Variants in CSMD1 observed in about 807,000 individuals in gnomAD.
CSMD1 encodes CUB and Sushi multiple domains 1, also known as CUB and sushi domain-containing protein 1.
In CSMD1, 213 loss-of-function variants were observed where a neutral mutation model predicts 417.5. The observed-to-expected ratio is 0.51, with a 90% CI of 0.46 to 0.57. The LOEUF (loss-of-function observed/expected upper bound fraction) is 0.57. CSMD1 is among the 20% of genes least tolerant of loss of function. The probability of loss-of-function intolerance (pLI) is 0.00; values close to 1 mark genes in which losing one functional copy is unlikely to be tolerated. For synonymous variants in CSMD1, 2,862 were observed against 1,736.8 expected, an observed-to-expected ratio of 1.65 and a Z score of -16.11; for missense variants, 6,923 against 4,529.7, an observed-to-expected ratio of 1.53 and a Z score of -15.17.
chr8:3,958,937 T>G (rs982475013), intron 5 of CSMD1, among the ~76,000 whole-genome samples: 4 of 152,180 alleles, frequency 2.6e-5, no homozygotes, highest in Admixed American at 2.0e-4. Context: ...AACTCACATT[T>G]TTTGAGCCCT....
At chr8:3,767,357 T>C (rs909027114) in intron 5 of CSMD1, among the ~76,000 whole-genome samples, 1 of 152,200 alleles carries the variant, frequency 6.6e-6, no homozygotes, top group Non-Finnish European at 1.5e-5. Flanking sequence ...AACACAACCA[T>C]GTCCTTTCCC....
At chr8:4,177,094 C>T (rs192734189) in intron 3 of CSMD1, among the ~76,000 whole-genome samples, 1,583 of 152,250 alleles carry the variant, frequency 0.01, 26 homozygotes, top group African/African-American at 0.036. Flanking sequence ...TAGACATCTA[C>T]AGAACTCTCC....
chr8:4,523,090 T>C (rs1409891615), intron 2 of CSMD1, among the ~76,000 whole-genome samples: 1 of 152,132 alleles, frequency 6.6e-6, no homozygotes, highest in Non-Finnish European at 1.5e-5. Flanking sequence ...CTCCAACCTT[T>C]TGGTGGGTGG....
chr8:4,123,672 A>C (rs1802608229), intron 3 of CSMD1, among the ~76,000 whole-genome samples: 1 of 152,212 alleles, frequency 6.6e-6, no homozygotes, highest in Non-Finnish European at 1.5e-5. Context: ...TTAAAGTGGG[A>C]AAACCTGATG....
At chr8:3,130,385 G>A (rs1293022709) in intron 41 of CSMD1, among the ~76,000 whole-genome samples, 1 of 151,932 alleles carries the variant, frequency 6.6e-6, no homozygotes, top group Non-Finnish European at 1.5e-5. Flanking sequence ...AAAGCCTCCC[G>A]CCCCCAATTC....
intron 7 of CSMD1, among the ~76,000 whole-genome samples, chr8:3,658,817 T>C (rs578216454): frequency 1.9e-4 from 29 of 152,254 alleles, no homozygotes; most frequent in African/African-American, 6.3e-4. Flanking sequence ...CTTCCAACAA[T>C]TTTGTTTGAA....
chr8:4,288,333 C>T (rs535367449), intron 3 of CSMD1, among the ~76,000 whole-genome samples: 1 of 152,236 alleles, frequency 6.6e-6, no homozygotes, highest in South Asian at 2.1e-4. Context: ...GCTCCCTTCA[C>T]CCTTCAATTT....
intron 3 of CSMD1, among the ~76,000 whole-genome samples, chr8:4,123,691 T>C (rs143242958): frequency 6.6e-6 from 1 of 152,344 alleles, no homozygotes; most frequent in African/African-American, 2.4e-5. Context: ...TGATAACTTC[T>C]ATGGTTTTAT....
At chr8:3,697,598 A>G (rs969877563) in intron 7 of CSMD1, among the ~76,000 whole-genome samples, 3 of 152,164 alleles carry the variant, frequency 2.0e-5, no homozygotes, top group Non-Finnish European at 4.4e-5. Context: ...AGAATATAGC[A>G]GTTCCCCCTT....
intron 7 of CSMD1, among the ~76,000 whole-genome samples, chr8:3,617,015 G>C (rs1482511513): frequency 6.6e-6 from 1 of 152,004 alleles, no homozygotes; most frequent in Admixed American, 6.6e-5. Flanking sequence ...ATAATCTTTG[G>C]TTTTATTTCT....
In CSMD1 at chr8:4,169,652, G is replaced by C. The variant is rs116260138; in HGVS notation, c.416-137553C>G. On this transcript the variant is annotated intron_variant, in intron 3 of 69. Transcript: ENST00000635120. ...TCCCTTGCTGCTGCAGGGACGCCATGAGAGCCAACGCCGGAAGAGCACACT... is the reference window on the plus strand; with the variant it reads ...TCCCTTGCTGCTGCAGGGACGCCATCAGAGCCAACGCCGGAAGAGCACACT... 9.1e-3 allele frequency among the ~76,000 whole-genome samples: 1,392 copies of C among 152,216 alleles called. 22 individuals are homozygous for C. The highest frequency in any genetic ancestry group is 0.032 in the African/African-American group (1,333 of 41,520).
At chr8:3,812,845 T>A (rs996354918) in intron 5 of CSMD1, among the ~76,000 whole-genome samples, 13 of 152,204 alleles carry the variant, frequency 8.5e-5, no homozygotes, top group African/African-American at 3.1e-4. Context: ...ATTTATTTCA[T>A]CACATCCTGA....
intron 37 of CSMD1, among the ~76,000 whole-genome samples, chr8:3,177,729 G>C (rs1430488166): frequency 6.6e-6 from 1 of 152,152 alleles, no homozygotes; most frequent in African/African-American, 2.4e-5. Context: ...CCTCCCACCA[G>C]CTTCCACCAG....
At chr8:2,992,292 T>C (rs1229431701) in intron 54 of CSMD1, among the ~76,000 whole-genome samples, 1 of 151,972 alleles carries the variant, frequency 6.6e-6, no homozygotes, top group Non-Finnish European at 1.5e-5. Context: ...GGGCTTAGCG[T>C]TTTGTTTTGG....
At chr8:4,113,160 G>C (rs969224176) in intron 3 of CSMD1, among the ~76,000 whole-genome samples, 4 of 151,794 alleles carry the variant, frequency 2.6e-5, no homozygotes, top group Admixed American at 1.3e-4. Flanking sequence ...CTCCCTCCTC[G>C]GGCCTTCCTA....
At chr8:4,309,856 C>T (rs550579296) in intron 3 of CSMD1, among the ~76,000 whole-genome samples, 1 of 152,156 alleles carries the variant, frequency 6.6e-6, no homozygotes, top group Non-Finnish European at 1.5e-5. Flanking sequence ...ATTTTCTCTG[C>T]AGACACTGAG....
At chr8:3,386,604 T>C (rs1287489016) in intron 18 of CSMD1, among the ~76,000 whole-genome samples, 3 of 152,216 alleles carry the variant, frequency 2.0e-5, no homozygotes, top group Non-Finnish European at 4.4e-5. Flanking sequence ...GTTTAATGAA[T>C]GCATGCATCA....
chr8:3,646,069 T>G (rs1417792544), intron 7 of CSMD1, among the ~76,000 whole-genome samples: 1 of 149,390 alleles, frequency 6.7e-6, no homozygotes, highest in South Asian at 2.1e-4. Context: ...AAAGATTAAG[T>G]GAATTGTGGC....
At chr8:3,262,747 A>C (rs925898853) in intron 26 of CSMD1, among the ~76,000 whole-genome samples, 7 of 152,186 alleles carry the variant, frequency 4.6e-5, no homozygotes, top group Non-Finnish European at 8.8e-5. Flanking sequence ...AATGTCCTTT[A>C]ATAAGCTTAG....
Sources: gnomAD v4.1 joint callset for allele counts (sites outside exome capture counted in the v4.1 genomes callset) on GRCh38, gnomAD v4.1.1 for gene constraint, MANE v1.5 for transcripts, NCBI Gene and HGNC (gene_info 2026-07-23, HGNC 2026-07-21) for gene names.